LRBA: variants seen among roughly 807,000 people sequenced by gnomAD.
LRBA encodes lipopolysaccharide-responsive and beige-like anchor protein.
LRBA carries 176 observed loss-of-function variants against 330.0 expected under a neutral mutation model. The ratio of observed to expected loss-of-function variants is 0.53; its 90% CI spans 0.47 to 0.60. The LOEUF (loss-of-function observed/expected upper bound fraction) is 0.60, where lower values mean the gene tolerates loss of function less well. LRBA is among the 20% of genes least tolerant of loss of function. LRBA has a pLI of 0.00. For missense variants in LRBA, 3,259 were observed against 3,444.8 expected, an observed-to-expected ratio of 0.95 and a Z score of 1.35; for synonymous variants, 1,230 against 1,193.0, an observed-to-expected ratio of 1.03 and a Z score of -0.64.
chr4:150,885,546 A>G (rs996553158), intron 17 of LRBA, among the ~76,000 whole-genome samples: 4 of 152,164 alleles, frequency 2.6e-5, no homozygotes, highest in African/African-American at 9.7e-5. Context: ...ACCTGAACCC[A>G]GGAGACAGAG....
At chr4:150,712,122 T>C (rs1428389647) in intron 36 of LRBA, among the ~76,000 whole-genome samples, 1 of 152,200 alleles carries the variant, frequency 6.6e-6, no homozygotes, top group African/African-American at 2.4e-5. Context: ...TGAGTTGAAA[T>C]CACTGAGCAA....
chr4:150,461,396 A>G (rs568003562), intron 44 of LRBA, among the ~76,000 whole-genome samples: 19 of 151,940 alleles, frequency 1.3e-4, no homozygotes, highest in African/African-American at 4.3e-4. Context: ...CAATATGCAC[A>G]GTGATGGTTT....
At chr4:150,913,881 G>A (rs1732281912) in intron 9 of LRBA, among the ~76,000 whole-genome samples, 1 of 151,826 alleles carries the variant, frequency 6.6e-6, no homozygotes, top group Non-Finnish European at 1.5e-5. Flanking sequence ...TTTATTTGTG[G>A]GTACATTTTA....
At chr4:150,268,822 ATGAT>A (rs1429610893) in intron 56 of LRBA, among the ~76,000 whole-genome samples, 1 of 152,206 alleles carries the variant, frequency 6.6e-6, no homozygotes, top group Non-Finnish European at 1.5e-5. Context: ...TTTTTCCCCT[ATGAT>A]TGGGAACAAG....
At chr4:150,550,627 GCTTC>G (rs1234990371) in intron 40 of LRBA, among the ~76,000 whole-genome samples, 1 of 152,118 alleles carries the variant, frequency 6.6e-6, no homozygotes, top group Admixed American at 6.6e-5. Context: ...CTGCACTTAT[GCTTC>G]CTTATGACTT....
intron 36 of LRBA, among the ~76,000 whole-genome samples, chr4:150,685,405 TA>T (rs1561513663): frequency 1.7e-3 from 29 of 16,858 alleles, no homozygotes; most frequent in Non-Finnish European, 2.9e-3. Flanking sequence ...TATATATATA[TA>T]TATATATATA....
Position 150,315,346 on chromosome 4 carries a change from C to T in LRBA, c.7693+215G>A, listed in dbSNP as rs76927516. On this transcript the variant is annotated intron_variant, in intron 51 of 56. Transcript: ENST00000651943. ...GCATCCATATTAATTTTCAGTGACA[C>T]GCGTCCTAGGCCTGTTCAAATTAGG... 9,405 of 590,052 alleles carry T rather than the reference C, an allele frequency of 0.016. 622 individuals carry two copies. Among genetic ancestry groups the T allele is most frequent in the African/African-American group, 0.15 (7,932 of 52,062 alleles). 36.6% of individuals were successfully genotyped at this position (590,052 alleles called of 1,614,324 possible). A position where few individuals can be genotyped will look rare whatever the true frequency, so the allele number is the denominator to read the frequency against.
intron 28 of LRBA, among the ~76,000 whole-genome samples, chr4:150,839,488 A>C (rs1748708607): frequency 6.6e-6 from 1 of 152,244 alleles, no homozygotes; most frequent in East Asian, 1.9e-4. Flanking sequence ...GAACCAATCC[A>C]AATGTCCATC....
intron 38 of LRBA, 135 bp downstream of exon 38, chr4:150,598,872 C>T: frequency 1.0e-6 from 1 of 996,076 alleles, no homozygotes; most frequent in South Asian, 2.0e-5. Context: ...AAAAATTTAA[C>T]TTCTCTTTCT....
intron 42 of LRBA, among the ~76,000 whole-genome samples, chr4:150,485,374 T>G (rs1757752352): frequency 6.6e-6 from 1 of 152,000 alleles, no homozygotes; most frequent in African/African-American, 2.4e-5. Context: ...AATATAATGC[T>G]TTGTGTGGTA....
At chr4:150,746,239 T>C (rs1732703846) in intron 35 of LRBA, among the ~76,000 whole-genome samples, 1 of 152,222 alleles carries the variant, frequency 6.6e-6, no homozygotes, top group Non-Finnish European at 1.5e-5. Context: ...ATAATACTTG[T>C]ATATTTTACT....
intron 2 of LRBA, among the ~76,000 whole-genome samples, chr4:150,958,197 G>A (rs1418192538): frequency 6.7e-6 from 1 of 148,998 alleles, no homozygotes; most frequent in Admixed American, 6.6e-5. Flanking sequence ...CCTCTGCCTG[G>A]ACATCCAGGT....
rs11727165 is a variant in LRBA, at chr4:150,546,454, T to C, written c.6330+41594A>G. Among the ~76,000 whole-genome samples the C allele has an allele frequency of 4.6e-3, 708 of 152,342 alleles. 2 individuals are homozygous for C. The highest frequency in any genetic ancestry group is 6.4e-3 in the Non-Finnish European group (432 of 68,030). On this transcript the variant is annotated intron_variant, in intron 40 of 56. Transcript: ENST00000651943. ...TGGGACACTAAGCCTGCATTTACCA[T>C]AATACGGATTAAACTTTCTTTGTCC...
intron 47 of LRBA, among the ~76,000 whole-genome samples, chr4:150,397,581 GAATGTATTCTT>G (rs1364039493): frequency 6.6e-6 from 1 of 152,152 alleles, no homozygotes; most frequent in Non-Finnish European, 1.5e-5. Context: ...CCAGGCCTAA[GAATGTATTCTT>G]AAAATAGGTA....
chr4:150,733,123 T>C (rs1730682924), intron 36 of LRBA, among the ~76,000 whole-genome samples: 1 of 152,106 alleles, frequency 6.6e-6, no homozygotes, highest in African/African-American at 2.4e-5. Context: ...GCTTTACTAA[T>C]GGATATTGCA....
chr4:150,932,245 A>G (rs1226103114), intron 2 of LRBA, among the ~76,000 whole-genome samples: 1 of 152,210 alleles, frequency 6.6e-6, no homozygotes, highest in East Asian at 1.9e-4. Context: ...AAAAAATCAA[A>G]AAGTAAATTA....
intron 2 of LRBA, among the ~76,000 whole-genome samples, chr4:150,984,504 C>T (rs973973062): frequency 2.0e-5 from 3 of 150,242 alleles, no homozygotes; most frequent in African/African-American, 4.9e-5. Flanking sequence ...AGCGAAAGTC[C>T]GTCTCAAAAA....
At chr4:150,307,993 A>C (rs1730578327) in intron 52 of LRBA, among the ~76,000 whole-genome samples, 2 of 152,242 alleles carry the variant, frequency 1.3e-5, no homozygotes, top group African/African-American at 4.8e-5. Context: ...TCCTTGAATA[A>C]CCAAAAATTA....
intron 55 of LRBA, among the ~76,000 whole-genome samples, chr4:150,279,165 A>ATTTG (rs1462081619): frequency 6.6e-6 from 1 of 152,156 alleles, no homozygotes; most frequent in Non-Finnish European, 1.5e-5. Context: ...CACACCTATT[A>ATTTG]TTTGTTTATG....
Sources: allele counts gnomAD v4.1 joint callset (sites outside exome capture counted in the v4.1 genomes callset), GRCh38; gene constraint gnomAD v4.1.1; transcripts MANE v1.5; gene names NCBI Gene and HGNC (gene_info 2026-07-23, HGNC 2026-07-21).